EMC2: variants seen among roughly 807,000 people sequenced by gnomAD.
The protein encoded by EMC2 is ER membrane protein complex subunit 2.
Under a neutral mutation model 51.6 loss-of-function variants are expected in EMC2, and 37 were observed. That is an observed-to-expected ratio of 0.72 (90% CI 0.55 to 0.94). EMC2 has a LOEUF of 0.94. Ranked by LOEUF, EMC2 falls within the 40% of genes least tolerant of loss-of-function variation. The probability of loss-of-function intolerance (pLI) is 0.00; values close to 1 mark genes in which losing one functional copy is unlikely to be tolerated. For missense variants in EMC2, 359 were observed against 350.9 expected (o/e 1.02, Z -0.18); for synonymous variants, 131 against 112.4 (o/e 1.17, Z -1.04).
chr8:108,452,893 T>C (rs1267372395), intron 3 of EMC2, among the ~76,000 whole-genome samples, 169 bp from the exon 4 acceptor site: 2 of 152,212 alleles, frequency 1.3e-5, no homozygotes, highest in African/African-American at 4.8e-5. Context: ...CACTGTAATG[T>C]CATAGTGCTT....
At chr8:108,451,676 G>T (rs1212986863) in intron 3 of EMC2, among the ~76,000 whole-genome samples, 2 of 151,902 alleles carry the variant, frequency 1.3e-5, no homozygotes, top group Admixed American at 6.5e-5. Context: ...AGAGGTGACC[G>T]TTTTATGTCT....
At chr8:108,448,850 C>CT (rs577913991) in intron 1 of EMC2, among the ~76,000 whole-genome samples, 15 of 150,660 alleles carry the variant, frequency 1.0e-4, no homozygotes, top group South Asian at 8.4e-4. Context: ...CTAGTGGTTT[C>CT]TTTTTTTTTG....
intron 10 of EMC2, among the ~76,000 whole-genome samples, chr8:108,481,593 A>G (rs547685730): frequency 4.1e-4 from 63 of 152,332 alleles, no homozygotes; most frequent in African/African-American, 1.5e-3. Context: ...TTTTTACTAA[A>G]TTAATAACAT....
At chr8:108,462,299 G>C (rs577530324) in intron 5 of EMC2, among the ~76,000 whole-genome samples, 2 of 151,908 alleles carry the variant, frequency 1.3e-5, no homozygotes, top group Non-Finnish European at 2.9e-5. Context: ...ATAGTTTAAA[G>C]ATCATGCCAT....
intron 10 of EMC2, among the ~76,000 whole-genome samples, chr8:108,483,434 A>G (rs933041499): frequency 6.6e-6 from 1 of 152,112 alleles, no homozygotes; most frequent in African/African-American, 2.4e-5. Flanking sequence ...TCTGATTTTT[A>G]TCACCAAACA....
chr8:108,486,707 C>G lies in EMC2; in HGVS notation c.*109C>G, dbSNP rs987121660. On this transcript the variant is annotated 3_prime_UTR_variant, in exon 11 of 11. Transcript: ENST00000220853. ...GCTATTTATATACTACAGTAATTTT[C>G]TGTTAAGAAGGCAGTTGTAAAGAAT... is the stretch of plus-strand genomic sequence containing the variant. 4.4e-6 allele frequency: 5 copies of G among 1,131,802 alleles called. No individual in the cohort carries two copies. In the East Asian group the frequency reaches 8.5e-5, roughly 19 times the overall value. 70.1% of individuals were successfully genotyped at this position (1,131,802 alleles called of 1,614,324 possible). A position where few individuals can be genotyped will look rare whatever the true frequency, so the allele number is the denominator to read the frequency against.
chr8:108,451,352 G>T (rs1453362875), intron 3 of EMC2, among the ~76,000 whole-genome samples: 2 of 151,592 alleles, frequency 1.3e-5, no homozygotes, highest in Non-Finnish European at 2.9e-5. Flanking sequence ...TTCTTGATTT[G>T]ATTTGTGTTT....
At chr8:108,470,033 C>G in intron 6 of EMC2, 29 bp from the exon 7 acceptor site, 1 of 1,602,192 alleles carries the variant, frequency 6.2e-7, no homozygotes. Context: ...TATCTACACA[C>G]TTACTTTTTT....
chr8:108,452,741 T>TA (rs1444507264), intron 3 of EMC2, among the ~76,000 whole-genome samples: 5 of 152,166 alleles, frequency 3.3e-5, no homozygotes, highest in Non-Finnish European at 7.3e-5. Context: ...GTCATTTAAG[T>TA]AGGGGCCTGA....
intron 5 of EMC2, among the ~76,000 whole-genome samples, chr8:108,459,193 T>C (rs1267163575): frequency 6.6e-6 from 1 of 152,212 alleles, no homozygotes; most frequent in Non-Finnish European, 1.5e-5. Context: ...AACAAGTCTG[T>C]AGGGAGTTAC....
chr8:108,467,295 ATTG>A (rs1224802598), intron 5 of EMC2, among the ~76,000 whole-genome samples: 1 of 151,528 alleles, frequency 6.6e-6, no homozygotes, highest in Non-Finnish European at 1.5e-5. Flanking sequence ...TACCTTGTAT[ATTG>A]TTTAAAATTT....
intron 5 of EMC2, 76 bp from the exon 6 acceptor site, chr8:108,469,750 G>T: frequency 8.3e-7 from 1 of 1,205,442 alleles, no homozygotes; most frequent in Non-Finnish European, 1.2e-6. Context: ...ATAATAATTT[G>T]CACAGTCAAA....
chr8:108,448,202 C>G (rs1586173722), intron 1 of EMC2, among the ~76,000 whole-genome samples: 1 of 152,112 alleles, frequency 6.6e-6, no homozygotes, highest in East Asian at 1.9e-4. Flanking sequence ...ACTGCTCATC[C>G]CTGAGCTAAA....
chr8:108,456,497 T>C (rs1421200722), intron 5 of EMC2, among the ~76,000 whole-genome samples: 1 of 152,170 alleles, frequency 6.6e-6, no homozygotes. Flanking sequence ...TTTAGTTGTC[T>C]TAATGAAAAA....
At chr8:108,475,849 A>G in intron 7 of EMC2, 33 bp from the exon 8 acceptor site, 1 of 1,335,366 alleles carries the variant, frequency 7.5e-7, no homozygotes, top group South Asian at 1.3e-5. Context: ...TTGTGACTTT[A>G]AAAATTAATT....
chr8:108,457,333 T>TGC (rs1170242614), intron 5 of EMC2, among the ~76,000 whole-genome samples: 11 of 23,472 alleles, frequency 4.7e-4, no homozygotes, highest in Non-Finnish European at 1.1e-3. Flanking sequence ...TGTGTGTGCG[T>TGC]GTGTGTGTGT....
At chr8:108,486,127 C>CA (rs1210954380) in intron 10 of EMC2, among the ~76,000 whole-genome samples, 1 of 151,894 alleles carries the variant, frequency 6.6e-6, no homozygotes, top group African/African-American at 2.4e-5. Flanking sequence ...GTTTAGACAT[C>CA]AGACAAGTGG....
At chr8:108,469,445 A>ATT (rs984724715) in intron 5 of EMC2, among the ~76,000 whole-genome samples, 1 of 151,962 alleles carries the variant, frequency 6.6e-6, no homozygotes, top group African/African-American at 2.4e-5. Flanking sequence ...CCATGGTGAG[A>ATT]TTTTTTTTCC....
intron 9 of EMC2, among the ~76,000 whole-genome samples, chr8:108,477,704 A>G (rs1013787011): frequency 6.6e-6 from 1 of 152,120 alleles, no homozygotes; most frequent in African/African-American, 2.4e-5. Context: ...AGCAAAGCCA[A>G]TTGCAATGGC....
Sources: allele counts gnomAD v4.1 joint callset (sites outside exome capture counted in the v4.1 genomes callset), GRCh38; gene constraint gnomAD v4.1.1; transcripts MANE v1.5; gene names NCBI Gene and HGNC (gene_info 2026-07-23, HGNC 2026-07-21).